SOBP: variants seen among roughly 807,000 people sequenced by gnomAD.
SOBP encodes sine oculis-binding protein homolog.
A neutral mutation model predicts 53.6 loss-of-function variants in SOBP; 4 were observed. The observed-to-expected ratio is 0.07, with a 90% CI of 0.04 to 0.17. SOBP has a LOEUF of 0.17. Ranked by LOEUF, SOBP falls within the 10% of genes least tolerant of loss-of-function variation. SOBP has a pLI of 1.00. For synonymous variants in SOBP, 584 were observed against 522.6 expected (o/e 1.12, Z -1.60); for missense variants, 1,088 against 1,204.7 (o/e 0.90, Z 1.43).
chr6:107,548,450 G>T (rs1387572070), intron 4 of SOBP, among the ~76,000 whole-genome samples: 2 of 151,936 alleles, frequency 1.3e-5, no homozygotes, highest in Non-Finnish European at 2.9e-5. Context: ...CATTGTGTTA[G>T]CCAGGATGGT....
At chr6:107,574,101 G>T (rs143634266) in intron 4 of SOBP, among the ~76,000 whole-genome samples, 1 of 152,110 alleles carries the variant, frequency 6.6e-6, no homozygotes, top group Admixed American at 6.5e-5. Flanking sequence ...CTTTGGGGCC[G>T]CAATGACACA....
Position 107,590,140 on chromosome 6 carries a change from G to A in SOBP, c.669+2965G>A, listed in dbSNP as rs150130608. On this transcript the variant is annotated intron_variant, in intron 5 of 6. Transcript: ENST00000317357. ...GGCTAGAGGTGGGTTCAGAGCTAGAGTGAGGAGGACCATAAGTGTGTTATG... is the reference window on the plus strand; with the variant it reads ...GGCTAGAGGTGGGTTCAGAGCTAGAATGAGGAGGACCATAAGTGTGTTATG... 3.9e-5 allele frequency among the ~76,000 whole-genome samples: 6 copies of A among 152,308 alleles called. No individual in the cohort carries two copies. In the East Asian group the frequency reaches 1.2e-3, roughly 29 times the overall value.
intron 3 of SOBP, among the ~76,000 whole-genome samples, chr6:107,519,011 C>G (rs1491001819): frequency 6.6e-6 from 1 of 151,418 alleles, no homozygotes; most frequent in Admixed American, 6.6e-5. Flanking sequence ...GCAAATGTAT[C>G]ATAGTGAAGC....
Position 107,634,179 on chromosome 6 carries a change from C to T in SOBP, c.1335C>T (p.Gly445=). 1 of 1,609,196 alleles carries T rather than the reference C, an allele frequency of 6.2e-7. No homozygotes were observed. The highest frequency in any genetic ancestry group is 8.5e-7 in the Non-Finnish European group (1 of 1,178,908). ...CGCCCGGTGGCCCCAGAAACCTGGG[C>T]CCCACTTCCAGCCCCATGCACCGGC... is the stretch of plus-strand genomic sequence containing the variant. The part of the protein sequence containing the change: ...GPPPGGPRNL[G]PTSSPMHRPM... The change falls in exon 6 of 7, where the codon GGC becomes GGT. Residue 445 remains glycine (G), a synonymous_variant. Transcript: ENST00000317357. This position sits in a 1 kb window ranked among gnomAD's most constrained non-coding sequence, Gnocchi z 4.5.
chr6:107,545,551 A>G (rs778310130), intron 4 of SOBP, among the ~76,000 whole-genome samples: 1 of 152,220 alleles, frequency 6.6e-6, no homozygotes, highest in African/African-American at 2.4e-5. Context: ...CTCTATAGAA[A>G]TGTAGTGACA....
At chr6:107,561,244 A>G (rs954096926) in intron 4 of SOBP, among the ~76,000 whole-genome samples, 5 of 152,188 alleles carry the variant, frequency 3.3e-5, no homozygotes, top group African/African-American at 1.2e-4. Context: ...ACATTACAGA[A>G]GGAGAAGCAA....
At chr6:107,639,913 T>C (rs1254844973) in intron 6 of SOBP, among the ~76,000 whole-genome samples, 1 of 152,238 alleles carries the variant, frequency 6.6e-6, no homozygotes, top group African/African-American at 2.4e-5. Flanking sequence ...CCCAAATTTC[T>C]AAGTTTCAAA....
At chr6:107,524,498 C>G (rs1783604587) in intron 3 of SOBP, among the ~76,000 whole-genome samples, 1 of 152,234 alleles carries the variant, frequency 6.6e-6, no homozygotes, top group Non-Finnish European at 1.5e-5. Context: ...ATTACTCTCT[C>G]TTTGCCTTAT....
At chr6:107,502,487 T>C (rs149834993) in intron 1 of SOBP, among the ~76,000 whole-genome samples, 1 of 152,358 alleles carries the variant, frequency 6.6e-6, no homozygotes, top group Admixed American at 6.5e-5. Flanking sequence ...ATATAGTCAC[T>C]TTAATATGAT....
At chr6:107,512,838 C>T (rs1031403548) in intron 3 of SOBP, among the ~76,000 whole-genome samples, 1 of 152,208 alleles carries the variant, frequency 6.6e-6, no homozygotes, top group South Asian at 2.1e-4. Context: ...TGCAGAAAAC[C>T]GTGTGTACCT....
In SOBP at chr6:107,658,888, A is replaced by G. The variant is rs1772182087; in HGVS notation, c.*685A>G. On this transcript the variant is annotated 3_prime_UTR_variant, in exon 7 of 7. Transcript: ENST00000317357. ...CAGTGTTACACTTTTATGGCTTTTA[A>G]TTTTCGATTTGACAGATGTAAGAAG... is the stretch of plus-strand genomic sequence containing the variant. 6.6e-6 allele frequency: 1 copy of G among 152,568 alleles called. No individual in the cohort carries two copies. The highest frequency in any genetic ancestry group is 1.5e-5 in the Non-Finnish European group (1 of 68,004). The allele number at this position is 152,568 out of a possible 1,614,324, so 9.5% of individuals were successfully genotyped here.
intron 5 of SOBP, among the ~76,000 whole-genome samples, chr6:107,629,890 T>C (rs140944872): frequency 2.1e-4 from 32 of 152,350 alleles, no homozygotes; most frequent in African/African-American, 7.5e-4. Flanking sequence ...ACTGCTGTTA[T>C]AGGGTTGAAT....
Position 107,634,569 on chromosome 6 carries a change from C to T in SOBP, c.1725C>T (p.Gly575=), listed in dbSNP as rs778864419. 6.2e-7 allele frequency: 1 copy of T among 1,605,862 alleles called. No homozygotes were observed. Among genetic ancestry groups the T allele is most frequent in the South Asian group, 1.1e-5 (1 of 91,012 alleles). ...CTGGCGACTCCGCGGCGGCGGGCGG[C>T]AAGCCAAGCGGACACTCCCTGTCCC... ...NAPGDSAAAG[G]KPSGHSLSPR... is the part of the protein sequence containing the mutation. The change falls in exon 6 of 7, where the codon GGC becomes GGT. Residue 575 remains glycine (G), a synonymous_variant. Coordinates refer to ENST00000317357, the MANE Select transcript of SOBP (RefSeq NM_018013.4). This position sits in a 1 kb window ranked among gnomAD's most constrained non-coding sequence, Gnocchi z 4.5.
intron 5 of SOBP, among the ~76,000 whole-genome samples, chr6:107,633,226 A>G (rs935141331): frequency 1.1e-4 from 16 of 152,194 alleles, no homozygotes; most frequent in Admixed American, 8.5e-4. Flanking sequence ...AGGTATATAT[A>G]TTCCCTTTTC....
Position 107,660,549 on chromosome 6 carries a change from C to T in SOBP, c.*2346C>T, listed in dbSNP as rs545370297. 3.3e-5 allele frequency among the ~76,000 whole-genome samples: 5 copies of T among 152,190 alleles called. No individual in the cohort carries two copies. The highest frequency in any genetic ancestry group is 7.2e-5 in the African/African-American group (3 of 41,428). ...ATCAAATGGAGGCAAACATGCTCCA[C>T]GGGTTCCACTCACATCCACACACCA... On this transcript the variant is annotated 3_prime_UTR_variant, in exon 7 of 7. Coordinates refer to ENST00000317357, the MANE Select transcript of SOBP (RefSeq NM_018013.4).
chr6:107,654,516 A>T (rs1057417204), intron 6 of SOBP, among the ~76,000 whole-genome samples: 4 of 152,256 alleles, frequency 2.6e-5, no homozygotes, highest in African/African-American at 9.6e-5. Flanking sequence ...CCAGAAGTTC[A>T]TGGGCTTCCT....
chr6:107,557,454 T>TA (rs546253611), intron 4 of SOBP, among the ~76,000 whole-genome samples: 72 of 152,212 alleles, frequency 4.7e-4, no homozygotes, highest in Non-Finnish European at 9.8e-4. Context: ...TTATGGAAGA[T>TA]ATAGCCATTT....
intron 4 of SOBP, 78 bp downstream of exon 4, chr6:107,533,688 G>A (rs759292638): frequency 5.4e-5 from 83 of 1,549,842 alleles, no homozygotes; most frequent in Non-Finnish European, 6.8e-5. Flanking sequence ...AGCTTCTAGC[G>A]GAAAACACTG....
At chr6:107,501,887 C>A (rs887325146) in intron 1 of SOBP, among the ~76,000 whole-genome samples, 7 of 152,124 alleles carry the variant, frequency 4.6e-5, no homozygotes, top group African/African-American at 1.7e-4. Context: ...TTAATGTGGA[C>A]ACGACCAGCC....
Sources: gnomAD v4.1 joint callset for allele counts (sites outside exome capture counted in the v4.1 genomes callset) on GRCh38, gnomAD v4.1.1 for gene constraint, Gnocchi (gnomAD v3.1) non-coding constraint, MANE v1.5 for transcripts, NCBI Gene and HGNC (gene_info 2026-07-23, HGNC 2026-07-21) for gene names.